The following DIAPH3 variants were observed in gnomAD, a reference collection of about 807,000 sequenced individuals.
DIAPH3 encodes diaphanous related formin 3.
A neutral mutation model predicts 144.3 loss-of-function variants in DIAPH3; 117 were observed. That is an observed-to-expected ratio of 0.81 (90% CI 0.70 to 0.95). The LOEUF (loss-of-function observed/expected upper bound fraction) is 0.95, where lower values mean the gene tolerates loss of function less well. Ranked by LOEUF, DIAPH3 falls within the 40% of genes least tolerant of loss-of-function variation. The pLI is 0.00. For missense variants in DIAPH3, 1,421 were observed against 1,412.7 expected (o/e 1.01, Z -0.09); for synonymous variants, 519 against 488.9 (o/e 1.06, Z -0.81).
chr13:59,672,152 C>T (rs549104901), intron 27 of DIAPH3, among the ~76,000 whole-genome samples: 12 of 152,344 alleles, frequency 7.9e-5, no homozygotes, highest in African/African-American at 2.2e-4. Context: ...GCAAGGCTAA[C>T]TAAGGCCCTG....
chr13:59,764,918 A>G (rs753009763), intron 27 of DIAPH3, among the ~76,000 whole-genome samples: 4 of 152,102 alleles, frequency 2.6e-5, no homozygotes, highest in Non-Finnish European at 5.9e-5. Flanking sequence ...CCCTAGGAAA[A>G]TAATACATCT....
chr13:59,891,696 A>G (rs1319886675), intron 20 of DIAPH3, among the ~76,000 whole-genome samples: 3 of 152,064 alleles, frequency 2.0e-5, no homozygotes, highest in African/African-American at 7.2e-5. Flanking sequence ...GCATTTAAAC[A>G]GGGAAACCAC....
At chr13:59,958,628 T>C (rs2049549281) in intron 17 of DIAPH3, among the ~76,000 whole-genome samples, 1 of 151,892 alleles carries the variant, frequency 6.6e-6, no homozygotes, top group Non-Finnish European at 1.5e-5. Context: ...TTTAATTATT[T>C]CCCAGAAAAA....
intron 27 of DIAPH3, among the ~76,000 whole-genome samples, chr13:59,704,803 C>T (rs367950733): frequency 2.6e-5 from 4 of 152,244 alleles, no homozygotes; most frequent in East Asian, 1.9e-4. Flanking sequence ...CTATTATGTT[C>T]GCATGACAAC....
chr13:60,149,129 G>A (rs958634885), intron 1 of DIAPH3, among the ~76,000 whole-genome samples: 2 of 152,106 alleles, frequency 1.3e-5, no homozygotes, highest in Non-Finnish European at 2.9e-5. Context: ...CTTTCACAAT[G>A]GTAAACATTT....
intron 14 of DIAPH3, 41 bp downstream of exon 14, chr13:59,980,754 G>T: frequency 6.5e-7 from 1 of 1,544,856 alleles, no homozygotes; most frequent in Non-Finnish European, 8.9e-7. Context: ...GCCTGCAGTG[G>T]TTCCCCACAG....
intron 4 of DIAPH3, among the ~76,000 whole-genome samples, chr13:60,059,846 G>A (rs564575310): frequency 3.3e-5 from 5 of 151,984 alleles, no homozygotes; most frequent in Non-Finnish European, 7.4e-5. Flanking sequence ...CGTCTTTACT[G>A]TGTTGATTAT....
chr13:60,137,656 C>T (rs559462684), intron 1 of DIAPH3, among the ~76,000 whole-genome samples: 1 of 151,872 alleles, frequency 6.6e-6, no homozygotes, highest in East Asian at 1.9e-4. Flanking sequence ...AGTAGGCTTG[C>T]ATCAATTTAT....
At chr13:60,010,411 A>G (rs1424435991) in intron 8 of DIAPH3, 122 bp downstream of exon 8, 10 of 1,083,752 alleles carry the variant, frequency 9.2e-6, no homozygotes, top group African/African-American at 6.4e-5. Flanking sequence ...AGCTGCTTAA[A>G]TATACCTCAA....
At chr13:60,024,494 A>T (rs1209502882) in intron 5 of DIAPH3, among the ~76,000 whole-genome samples, 1 of 151,590 alleles carries the variant, frequency 6.6e-6, no homozygotes, top group Non-Finnish European at 1.5e-5. Flanking sequence ...GAGACTTTCT[A>T]TTTTTTTTCT....
chr13:59,899,665 G>C (rs1452226367), intron 20 of DIAPH3, among the ~76,000 whole-genome samples: 1 of 152,176 alleles, frequency 6.6e-6, no homozygotes, highest in Non-Finnish European at 1.5e-5. Context: ...TCATTGTAGG[G>C]TTATAGGTAA....
intron 3 of DIAPH3, 45 bp from the exon 4 acceptor site, chr13:60,093,777 G>A: frequency 7.9e-7 from 1 of 1,271,424 alleles, no homozygotes. Context: ...TCTAAGTAGA[G>A]CAGCAATTCT....
At chr13:60,157,614 G>A (rs1952092923) in intron 1 of DIAPH3, among the ~76,000 whole-genome samples, 1 of 152,054 alleles carries the variant, frequency 6.6e-6, no homozygotes, top group African/African-American at 2.4e-5. Context: ...CCTTTTTCTT[G>A]TTTGTATGGG....
At chr13:59,807,740 A>G (rs938715382) in intron 25 of DIAPH3, among the ~76,000 whole-genome samples, 3 of 152,080 alleles carry the variant, frequency 2.0e-5, no homozygotes, top group Admixed American at 6.6e-5. Context: ...TAGTACAGAA[A>G]AAGTCTAATA....
intron 2 of DIAPH3, among the ~76,000 whole-genome samples, chr13:60,118,176 T>C (rs2058745996): frequency 6.6e-6 from 1 of 152,018 alleles, no homozygotes; most frequent in African/African-American, 2.4e-5. Flanking sequence ...TACTGAGTAA[T>C]TACACTAATA....
chr13:59,667,207 T>C (rs925848083), intron 27 of DIAPH3, among the ~76,000 whole-genome samples: 4 of 152,176 alleles, frequency 2.6e-5, no homozygotes, highest in Non-Finnish European at 4.4e-5. Context: ...TAAAATAGCA[T>C]TTGCCCTTTG....
intron 9 of DIAPH3, among the ~76,000 whole-genome samples, chr13:60,003,930 T>A (rs1287147090): frequency 6.6e-6 from 1 of 152,058 alleles, no homozygotes; most frequent in Non-Finnish European, 1.5e-5. Flanking sequence ...AAGTACAAAG[T>A]TTAACATTTT....
intron 5 of DIAPH3, among the ~76,000 whole-genome samples, chr13:60,038,358 T>C (rs913437251): frequency 6.6e-6 from 1 of 152,140 alleles, no homozygotes; most frequent in Non-Finnish European, 1.5e-5. Flanking sequence ...ATCATGTTGA[T>C]AAAAATGAGT....
At chr13:59,827,463 G>A (rs2041506529) in intron 24 of DIAPH3, among the ~76,000 whole-genome samples, 1 of 152,042 alleles carries the variant, frequency 6.6e-6, no homozygotes, top group African/African-American at 2.4e-5. Flanking sequence ...ACAAAGGGGT[G>A]TGAAGAGGAT....
Sources: allele counts gnomAD v4.1 joint callset (sites outside exome capture counted in the v4.1 genomes callset), GRCh38; gene constraint gnomAD v4.1.1; transcripts MANE v1.5; gene names NCBI Gene and HGNC (gene_info 2026-07-23, HGNC 2026-07-21).